The following OPCML variants were observed in gnomAD, a reference collection of about 807,000 sequenced individuals.
The protein encoded by OPCML is opioid binding protein/cell adhesion molecule like.
Under a neutral mutation model 37.8 loss-of-function variants are expected in OPCML, and 13 were observed. That is an observed-to-expected ratio of 0.34 (90% confidence interval 0.22 to 0.55). The LOEUF (loss-of-function observed/expected upper bound fraction) is 0.55. Ranked by LOEUF, OPCML falls within the 20% of genes least tolerant of loss-of-function variation. The pLI, the probability that OPCML is intolerant of heterozygous loss-of-function variation, is 0.91. For synonymous variants in OPCML, 176 were observed against 168.8 expected, an observed-to-expected ratio of 1.04 and a Z score of -0.33; for missense variants, 341 against 435.6, an observed-to-expected ratio of 0.78 and a Z score of 1.93.
chr11:132,638,408 T>C (rs1393146639), intron 3 of OPCML, among the ~76,000 whole-genome samples: 2 of 152,082 alleles, frequency 1.3e-5, no homozygotes, highest in Non-Finnish European at 2.9e-5. Context: ...GTTTATAGTT[T>C]AACCTTAAAG....
intron 2 of OPCML, among the ~76,000 whole-genome samples, chr11:132,669,483 T>C (rs930450668): frequency 1.3e-5 from 2 of 152,158 alleles, no homozygotes; most frequent in Non-Finnish European, 2.9e-5. Flanking sequence ...AAGCAGTTTT[T>C]TGGAGTCAGT....
At chr11:132,445,067 C>A (rs1280670369) in intron 4 of OPCML, among the ~76,000 whole-genome samples, 1 of 152,236 alleles carries the variant, frequency 6.6e-6, no homozygotes, top group Admixed American at 6.5e-5. Context: ...CTGTGGCCAC[C>A]AGGACCTCCT....
Position 133,245,402 on chromosome 11 carries a change from C to T in OPCML, c.61+286862G>A, listed in dbSNP as rs151210755. ...TGAGTCTCTATTCCTTTATCGCAAA[C>T]CAACTGGCAGTTCAAGGGGCCAGGT... On this transcript the variant is annotated intron_variant, in intron 1 of 7. Transcript: ENST00000524381. Among the ~76,000 whole-genome samples the T allele has an allele frequency of 6.4e-3, 973 of 152,240 alleles. 10 individuals carry two copies. Among genetic ancestry groups the T allele is most frequent in the African/African-American group, 0.022 (914 of 41,540 alleles).
chr11:132,934,047 G>A (rs760570975), intron 2 of OPCML, among the ~76,000 whole-genome samples: 2 of 152,170 alleles, frequency 1.3e-5, no homozygotes, highest in Non-Finnish European at 2.9e-5. Context: ...CACAGGCTAT[G>A]TGCCTGAAAA....
rs1250019012 is a variant in OPCML at position 133,015,371 on chromosome 11, T to TGAAG, written c.62-72365_62-72362dup. Among the ~76,000 whole-genome samples the TGAAG allele has an allele frequency of 3.2e-3, 187 of 57,604 alleles. 3 individuals are homozygous for TGAAG. The highest frequency in any genetic ancestry group is 8.0e-3 in the Admixed American group (30 of 3,744). 37.8% of individuals were successfully genotyped at this position (57,604 alleles called of 152,430 possible). ...AGGGAGGGAGGAAGGAAGGGAGGAA[T>TGAAG]GAAGGAAGGAAGGAAGGAAGGAATG... On this transcript the variant is annotated intron_variant, in intron 1 of 7. Coordinates refer to ENST00000524381, the MANE Select transcript of OPCML (RefSeq NM_001012393.5).
intron 1 of OPCML, among the ~76,000 whole-genome samples, chr11:133,353,065 T>A (rs1944177505): frequency 6.6e-6 from 1 of 152,194 alleles, no homozygotes; most frequent in African/African-American, 2.4e-5. Context: ...ATATTAAAAT[T>A]TTTTCAAAGG....
intron 1 of OPCML, among the ~76,000 whole-genome samples, chr11:133,165,134 C>A (rs188808642): frequency 6.6e-6 from 1 of 152,192 alleles, no homozygotes; most frequent in African/African-American, 2.4e-5. Flanking sequence ...TACAGTGAGC[C>A]GAGCCACAGT....
intron 1 of OPCML, among the ~76,000 whole-genome samples, chr11:133,356,245 C>A (rs1294867343): frequency 6.6e-6 from 1 of 152,064 alleles, no homozygotes; most frequent in Non-Finnish European, 1.5e-5. Flanking sequence ...TTAAAGTGCC[C>A]AGGTTGGAAC....
chr11:133,023,314 A>G (rs1374397280), intron 1 of OPCML, among the ~76,000 whole-genome samples: 1 of 152,366 alleles, frequency 6.6e-6, no homozygotes, highest in East Asian at 1.9e-4. Flanking sequence ...GTACAGCTAG[A>G]CAACCGCTGC....
intron 1 of OPCML, among the ~76,000 whole-genome samples, chr11:133,055,987 T>G (rs942378437): frequency 2.0e-5 from 3 of 152,028 alleles, no homozygotes; most frequent in Non-Finnish European, 4.4e-5. Flanking sequence ...CAATGCTGCC[T>G]CCATGATAAT....
At chr11:132,485,847 A>G (rs1470228352) in intron 4 of OPCML, among the ~76,000 whole-genome samples, 1 of 152,222 alleles carries the variant, frequency 6.6e-6, no homozygotes, top group East Asian at 1.9e-4. Context: ...TTATAAATAA[A>G]ACATTCTTGT....
At chr11:132,608,374 G>A (rs902119849) in intron 3 of OPCML, among the ~76,000 whole-genome samples, 3 of 152,162 alleles carry the variant, frequency 2.0e-5, no homozygotes, top group African/African-American at 7.2e-5. Context: ...ACCAGTCCAG[G>A]GAAGAGGGAC....
chr11:133,309,333 C>T (rs1421392288), intron 1 of OPCML, among the ~76,000 whole-genome samples: 5 of 152,262 alleles, frequency 3.3e-5, no homozygotes, highest in South Asian at 2.1e-4. Context: ...TCGTGTCCTT[C>T]CCAATAATTT....
chr11:133,129,981 TAAAA>T (rs371210242), intron 1 of OPCML, among the ~76,000 whole-genome samples: 1 of 151,798 alleles, frequency 6.6e-6, no homozygotes, highest in African/African-American at 2.4e-5. Context: ...ATCAGTCAAT[TAAAA>T]AAAGCAAGAA....
intron 1 of OPCML, among the ~76,000 whole-genome samples, chr11:133,277,214 C>T (rs932703103): frequency 3.3e-5 from 5 of 152,118 alleles, no homozygotes; most frequent in Admixed American, 6.5e-5. Context: ...TTTTAGCCCA[C>T]GACTAGTCCC....
chr11:133,101,880 G>A (rs1417748492), intron 1 of OPCML, among the ~76,000 whole-genome samples: 1 of 152,030 alleles, frequency 6.6e-6, no homozygotes, highest in African/African-American at 2.4e-5. Context: ...ATATTATAGA[G>A]CACCGAGAAG....
chr11:132,898,570 G>A (rs1471943638), intron 2 of OPCML, among the ~76,000 whole-genome samples: 1 of 152,128 alleles, frequency 6.6e-6, no homozygotes, highest in Non-Finnish European at 1.5e-5. Flanking sequence ...TTGCAGGACT[G>A]GGGCAAGGTT....
chr11:133,335,716 T>C (rs1943731575), intron 1 of OPCML, among the ~76,000 whole-genome samples: 1 of 152,140 alleles, frequency 6.6e-6, no homozygotes, highest in Non-Finnish European at 1.5e-5. Flanking sequence ...CAGTGTGTCT[T>C]GGACAATTAA....
intron 4 of OPCML, among the ~76,000 whole-genome samples, chr11:132,455,367 G>T (rs2096079231): frequency 6.6e-6 from 1 of 152,136 alleles, no homozygotes; most frequent in South Asian, 2.1e-4. Context: ...AACTCAAAAG[G>T]TCACCTCCTT....
Sources: gnomAD v4.1 joint callset for allele counts (sites outside exome capture counted in the v4.1 genomes callset) on GRCh38, gnomAD v4.1.1 for gene constraint, MANE v1.5 for transcripts, NCBI Gene and HGNC (gene_info 2026-07-23, HGNC 2026-07-21) for gene names.